B4GALNT3: variants seen among roughly 807,000 people sequenced by gnomAD.
B4GALNT3 encodes beta-1,4-N-acetyl-galactosaminyltransferase 3.
A neutral mutation model predicts 120.2 loss-of-function variants in B4GALNT3; 86 were observed. The observed-to-expected ratio is 0.72, with a 90% CI of 0.60 to 0.86. The LOEUF (loss-of-function observed/expected upper bound fraction) is 0.86, where lower values mean the gene tolerates loss of function less well. B4GALNT3 is among the 40% of genes least tolerant of loss of function. The pLI, the probability that B4GALNT3 is intolerant of heterozygous loss-of-function variation, is 0.00. For synonymous variants in B4GALNT3, 518 were observed against 510.4 expected (o/e 1.01, Z -0.20); for missense variants, 1,167 against 1,298.9 (o/e 0.90, Z 1.56).
chr12:538,059 C>T (rs1185926806), intron 3 of B4GALNT3, among the ~76,000 whole-genome samples: 2 of 152,226 alleles, frequency 1.3e-5, no homozygotes, highest in Non-Finnish European at 2.9e-5. Context: ...ACTTGCTTTA[C>T]AGATCATTTG....
chr12:535,593 T>TA (rs530542843), intron 2 of B4GALNT3, among the ~76,000 whole-genome samples: 66 of 152,300 alleles, frequency 4.3e-4, no homozygotes, highest in African/African-American at 1.5e-3. Flanking sequence ...TGGCATGTGG[T>TA]GCCTCTCACT....
At chr12:525,870 C>T (rs577689814) in intron 1 of B4GALNT3, among the ~76,000 whole-genome samples, 8 of 152,356 alleles carry the variant, frequency 5.3e-5, no homozygotes, top group Non-Finnish European at 8.8e-5. Flanking sequence ...TCCTGTAGCT[C>T]TGTTGCTTTT....
chr12:513,155 A>ACCTTCCC (rs1946614826), intron 1 of B4GALNT3, among the ~76,000 whole-genome samples: 1 of 98,854 alleles, frequency 1.0e-5, no homozygotes, highest in African/African-American at 4.0e-5. Context: ...TCGACCTTCC[A>ACCTTCCC]CCTTCCACCT....
chr12:547,335 A>G (rs1264890742), intron 7 of B4GALNT3, among the ~76,000 whole-genome samples: 3 of 152,224 alleles, frequency 2.0e-5, no homozygotes, highest in Non-Finnish European at 2.9e-5. Context: ...CTAGAGAAAA[A>G]GATTTGGAAT....
intron 1 of B4GALNT3, among the ~76,000 whole-genome samples, chr12:497,257 G>A (rs533745685): frequency 9.5e-4 from 144 of 152,278 alleles, no homozygotes; most frequent in South Asian, 3.5e-3. Flanking sequence ...GGGTTCAAGC[G>A]ATTCTCCTGC....
At chr12:551,115 C>G (rs1167493350) in intron 11 of B4GALNT3, 84 bp downstream of exon 11, 1 of 1,175,674 alleles carries the variant, frequency 8.5e-7, no homozygotes, top group Non-Finnish European at 1.2e-6. Context: ...GTGAGGCTGA[C>G]TTTCCCATCT....
intron 14 of B4GALNT3, among the ~76,000 whole-genome samples, chr12:556,330 C>T (rs1286659157): frequency 6.6e-6 from 1 of 152,172 alleles, no homozygotes; most frequent in Non-Finnish European, 1.5e-5. Context: ...AAAAGACCTT[C>T]AGGATCATCA....
In B4GALNT3 at chr12:467,051, A is replaced by G. The variant is rs563762939; in HGVS notation, c.169+6506A>G. ...AGTTTAGCATATTTTAATATTTTAT[A>G]TAAATGGAATAATACAGATTGTGGT... On this transcript the variant is annotated intron_variant, in intron 1 of 19. Transcript: ENST00000266383. 6.2e-4 allele frequency among the ~76,000 whole-genome samples: 95 copies of G among 152,300 alleles called. 1 individual carries two copies. Among genetic ancestry groups the G allele is most frequent in the Admixed American group, 2.5e-3 (38 of 15,292 alleles).
At chr12:468,558 C>T (rs929192300) in intron 1 of B4GALNT3, among the ~76,000 whole-genome samples, 7 of 152,116 alleles carry the variant, frequency 4.6e-5, no homozygotes, top group South Asian at 4.2e-4. Flanking sequence ...AGAGAACAGC[C>T]GAGAGACTGG....
chr12:511,904 G>T (rs111219626), intron 1 of B4GALNT3, among the ~76,000 whole-genome samples: 3 of 57,400 alleles, frequency 5.2e-5, no homozygotes, highest in African/African-American at 2.4e-4. Context: ...TCCACCTTCC[G>T]CCTTCGACCT....
chr12:492,960 T>C (rs962292005), intron 1 of B4GALNT3, among the ~76,000 whole-genome samples: 1 of 151,134 alleles, frequency 6.6e-6, no homozygotes, highest in African/African-American at 2.4e-5. Context: ...CAAAGACCTA[T>C]ATGTAAAATT....
chr12:511,729 TCCTTCCA>T (rs147181887), intron 1 of B4GALNT3, among the ~76,000 whole-genome samples: 621 of 39,918 alleles, frequency 0.016, no homozygotes, highest in Admixed American at 0.059. Context: ...CCTTCCACCT[TCCTTCCA>T]CCTTCCACCT....
At chr12:543,009 T>C in intron 3 of B4GALNT3, 2 of 879,366 alleles carry the variant, frequency 2.3e-6, no homozygotes, top group Non-Finnish European at 3.2e-6. Context: ...AGCAAGTCTT[T>C]CCTGAAACCC....
At chr12:463,579 T>C (rs1946046322) in intron 1 of B4GALNT3, among the ~76,000 whole-genome samples, 1 of 152,122 alleles carries the variant, frequency 6.6e-6, no homozygotes, top group Non-Finnish European at 1.5e-5. Context: ...AAGGTGCCTA[T>C]ATCAAAATGG....
At position 553,865 on chromosome 12, in the gene B4GALNT3, C is replaced by T; in HGVS notation, c.1942C>T (p.Leu648=). 1.2e-6 allele frequency: 2 copies of T among 1,614,238 alleles called. No individual in the cohort carries two copies. The highest frequency in any genetic ancestry group is 1.7e-6 in the Non-Finnish European group (2 of 1,180,030). The change falls in exon 14 of 20, where the codon CTG becomes TTG. Residue 648 remains leucine, a synonymous_variant. Coordinates refer to ENST00000266383, the MANE Select transcript of B4GALNT3 (RefSeq NM_173593.4). ...TGCCCGGAATCTCGACTTCCAAGCC[C>T]TGAGGACTGACTGGATCGATCTGAG... The part of the protein sequence containing the change: ...FSARNLDFQA[L]RTDWIDLSCN...
chr12:493,382 A>G (rs969597724), intron 1 of B4GALNT3, among the ~76,000 whole-genome samples: 2 of 152,238 alleles, frequency 1.3e-5, no homozygotes, highest in African/African-American at 4.8e-5. Flanking sequence ...CTACACACCT[A>G]TTAGAATGGC....
chr12:526,693 A>T (rs1304082788), intron 1 of B4GALNT3, among the ~76,000 whole-genome samples: 1 of 151,358 alleles, frequency 6.6e-6, no homozygotes, highest in Admixed American at 6.6e-5. Flanking sequence ...TTTGTTTGTA[A>T]TGATGATGAT....
intron 1 of B4GALNT3, among the ~76,000 whole-genome samples, chr12:505,558 G>C (rs549073315): frequency 1.4e-3 from 214 of 152,310 alleles, no homozygotes; most frequent in African/African-American, 4.9e-3. Flanking sequence ...AGATTTGCCT[G>C]GGGGAACATT....
At chr12:555,806 A>T (rs1947145589) in intron 14 of B4GALNT3, among the ~76,000 whole-genome samples, 2 of 149,758 alleles carry the variant, frequency 1.3e-5, no homozygotes, top group African/African-American at 4.9e-5. Context: ...TTTTTTTGAG[A>T]CGGAGTCTCG....
Sources: gnomAD v4.1 joint callset for allele counts (sites outside exome capture counted in the v4.1 genomes callset) on GRCh38, gnomAD v4.1.1 for gene constraint, MANE v1.5 for transcripts, NCBI Gene and HGNC (gene_info 2026-07-23, HGNC 2026-07-21) for gene names.